The following CAMKMT variants were observed in gnomAD, a reference collection of about 807,000 sequenced individuals.
The protein encoded by CAMKMT is CaM KMT.
A neutral mutation model predicts 48.0 loss-of-function variants in CAMKMT; 53 were observed. That is an observed-to-expected ratio of 1.10 (90% CI 0.89 to 1.39). The LOEUF (loss-of-function observed/expected upper bound fraction) is 1.39, where lower values mean the gene tolerates loss of function less well. CAMKMT is among the 40% of genes most tolerant of loss of function. CAMKMT has a pLI of 0.00. For missense variants in CAMKMT, 428 were observed against 402.7 expected, an observed-to-expected ratio of 1.06 and a Z score of -0.54; for synonymous variants, 165 against 152.3, an observed-to-expected ratio of 1.08 and a Z score of -0.61.
At chr2:44,531,066 A>G (rs1397216533) in intron 3 of CAMKMT, among the ~76,000 whole-genome samples, 3 of 152,084 alleles carry the variant, frequency 2.0e-5, no homozygotes, top group Non-Finnish European at 2.9e-5. Context: ...TATATGGCTT[A>G]TGAAAATCTC....
intron 3 of CAMKMT, among the ~76,000 whole-genome samples, chr2:44,446,769 T>A (rs1206910969): frequency 1.3e-5 from 2 of 152,240 alleles, no homozygotes; most frequent in Admixed American, 6.5e-5. Context: ...AAAGCAGGCA[T>A]CTCAGTCCAG....
chr2:44,501,727 A>G (rs1207154812), intron 3 of CAMKMT, among the ~76,000 whole-genome samples: 1 of 152,116 alleles, frequency 6.6e-6, no homozygotes, highest in African/African-American at 2.4e-5. Context: ...ACATTAGAAA[A>G]CGTAAAGGAG....
At chr2:44,639,740 G>A (rs1208001224) in intron 3 of CAMKMT, among the ~76,000 whole-genome samples, 7 of 152,110 alleles carry the variant, frequency 4.6e-5, no homozygotes, top group African/African-American at 1.4e-4. Context: ...GTCAAGGCTG[G>A]TTTCTTTTAT....
At chr2:44,381,285 G>A (rs1331566539) in intron 2 of CAMKMT, among the ~76,000 whole-genome samples, 1 of 151,982 alleles carries the variant, frequency 6.6e-6, no homozygotes. Flanking sequence ...ATCTCAGTTT[G>A]TTTTTTAGAA....
intron 10 of CAMKMT, 73 bp from the exon 11 acceptor site, chr2:44,771,963 C>CA: frequency 9.8e-7 from 1 of 1,018,084 alleles, no homozygotes; most frequent in Non-Finnish European, 1.5e-6. Context: ...TCATGATACT[C>CA]AACATTAATA....
chr2:44,390,335 T>C, intron 3 of CAMKMT, 30 bp downstream of exon 3: 1 of 1,472,534 alleles, frequency 6.8e-7, no homozygotes, highest in African/African-American at 1.4e-5. Flanking sequence ...TATAGAAATA[T>C]ATTTAGTGTT....
chr2:44,452,678 T>C (rs1377363395), intron 3 of CAMKMT, among the ~76,000 whole-genome samples: 2 of 152,054 alleles, frequency 1.3e-5, no homozygotes, highest in Non-Finnish European at 2.9e-5. Context: ...TAAGTAAAAT[T>C]TATCTTTAAC....
At chr2:44,472,812 TTCAAA>T (rs1444654364) in intron 3 of CAMKMT, among the ~76,000 whole-genome samples, 2 of 152,234 alleles carry the variant, frequency 1.3e-5, no homozygotes, top group Non-Finnish European at 2.9e-5. Flanking sequence ...AGATTAAATG[TTCAAA>T]TCAAATAATG....
chr2:44,646,924 T>C (rs756064928), intron 3 of CAMKMT, among the ~76,000 whole-genome samples: 1 of 152,198 alleles, frequency 6.6e-6, no homozygotes, highest in Non-Finnish European at 1.5e-5. Context: ...TCTTCTCCAG[T>C]TGGAAGGTGA....
chr2:44,458,657 A>G (rs1667698549), intron 3 of CAMKMT, among the ~76,000 whole-genome samples: 1 of 152,204 alleles, frequency 6.6e-6, no homozygotes, highest in African/African-American at 2.4e-5. Context: ...AAGTGTCAGA[A>G]TCTATTTTTA....
intron 3 of CAMKMT, among the ~76,000 whole-genome samples, chr2:44,545,805 C>G (rs911088169): frequency 6.6e-6 from 1 of 151,098 alleles, no homozygotes; most frequent in Non-Finnish European, 1.5e-5. Context: ...GTATGGGAGC[C>G]TTTGATTAAA....
intron 3 of CAMKMT, among the ~76,000 whole-genome samples, chr2:44,465,979 T>G (rs1668090846): frequency 6.6e-6 from 1 of 152,128 alleles, no homozygotes; most frequent in South Asian, 2.1e-4. Context: ...CTCCAGGAAC[T>G]CAAAACAAGT....
chr2:44,393,006 C>G (rs1681494768), intron 3 of CAMKMT, among the ~76,000 whole-genome samples: 1 of 152,140 alleles, frequency 6.6e-6, no homozygotes, highest in South Asian at 2.1e-4. Context: ...AAAACATTTT[C>G]TAGTCACAAA....
chr2:44,700,611 C>T (rs1573109675), intron 3 of CAMKMT, among the ~76,000 whole-genome samples: 1 of 152,134 alleles, frequency 6.6e-6, no homozygotes, highest in Non-Finnish European at 1.5e-5. Context: ...AGAACACACA[C>T]AAGATTTATT....
chr2:44,496,281 C>T (rs886345217), intron 3 of CAMKMT, among the ~76,000 whole-genome samples: 5 of 152,058 alleles, frequency 3.3e-5, no homozygotes, highest in African/African-American at 4.8e-5. Context: ...GCATATTCAG[C>T]GTCATATTTT....
rs540213072 is a variant in CAMKMT, at chr2:44,669,803, A to G, written c.377-34480A>G. On this transcript the variant is annotated intron_variant, in intron 3 of 10. Coordinates refer to ENST00000378494, the MANE Select transcript of CAMKMT (RefSeq NM_024766.5). ...CAGGTGTGTGCCACCACATCTGGCT[A>G]ATTTTTGTATTTTTTGTAGAGACGA... Among the ~76,000 whole-genome samples the G allele has an allele frequency of 3.3e-5, 5 of 151,816 alleles. No homozygotes were observed. In the East Asian group the frequency reaches 9.7e-4, roughly 29 times the overall value.
chr2:44,641,238 C>G (rs1673435154), intron 3 of CAMKMT, among the ~76,000 whole-genome samples: 1 of 152,126 alleles, frequency 6.6e-6, no homozygotes, highest in Non-Finnish European at 1.5e-5. Context: ...ATCATGATTT[C>G]TAATTTTTCT....
At chr2:44,770,426 C>G (rs1173499353) in intron 10 of CAMKMT, among the ~76,000 whole-genome samples, 1 of 152,228 alleles carries the variant, frequency 6.6e-6, no homozygotes, top group East Asian at 1.9e-4. Flanking sequence ...CCCATATTTA[C>G]AGAAGAATTA....
intron 3 of CAMKMT, among the ~76,000 whole-genome samples, chr2:44,409,123 A>G (rs1218662722): frequency 5.0e-4 from 2 of 3,988 alleles, no homozygotes; most frequent in Non-Finnish European, 1.2e-3. Flanking sequence ...ATATATATAT[A>G]TATATATATA....
Sources: gnomAD v4.1 joint callset for allele counts (sites outside exome capture counted in the v4.1 genomes callset) on GRCh38, gnomAD v4.1.1 for gene constraint, MANE v1.5 for transcripts, NCBI Gene and HGNC (gene_info 2026-07-23, HGNC 2026-07-21) for gene names.